The following ATP10B variants were observed in gnomAD, a reference collection of about 807,000 sequenced individuals.
ATP10B encodes the protein phospholipid-transporting ATPase VB.
A neutral mutation model predicts 141.2 loss-of-function variants in ATP10B; 122 were observed. The ratio of observed to expected loss-of-function variants is 0.86; its 90% CI spans 0.75 to 1.00. The LOEUF is 1.00. Ranked by LOEUF, ATP10B falls within the 50% of genes least tolerant of loss-of-function variation. The pLI is 0.00. For missense variants in ATP10B, 1,876 were observed against 1,825.3 expected (o/e 1.03, Z -0.51); for synonymous variants, 685 against 692.0 (o/e 0.99, Z 0.16).
At chr5:160,593,890 G>T (rs531105356) in intron 22 of ATP10B, among the ~76,000 whole-genome samples, 8 of 152,280 alleles carry the variant, frequency 5.3e-5, no homozygotes, top group Non-Finnish European at 8.8e-5. Context: ...TATGTGAAAA[G>T]ACCAAATCTA....
chr5:160,599,635 C>T (rs1046228780), intron 21 of ATP10B, among the ~76,000 whole-genome samples: 2 of 152,164 alleles, frequency 1.3e-5, no homozygotes, highest in African/African-American at 4.8e-5. Context: ...ACGGTGACCT[C>T]GTGAGAAGGT....
chr5:160,856,257 C>T (rs6861419), upstream of ATP10B, among the ~76,000 whole-genome samples: 113,710 of 151,652 alleles, frequency 0.75, 43,803 homozygotes, highest in East Asian at 0.97. Flanking sequence ...TTATCAACAT[C>T]GTGTAGTTTT....
At chr5:160,794,474 T>C (rs1208852226) in intron 1 of ATP10B, among the ~76,000 whole-genome samples, 1 of 152,174 alleles carries the variant, frequency 6.6e-6, no homozygotes, top group African/African-American at 2.4e-5. Context: ...CCAATCAAAG[T>C]CTTTTTAGGG....
the ATP10B span, among the ~76,000 whole-genome samples, chr5:160,879,916 A>T: frequency 2.0e-5 from 3 of 152,128 alleles, no homozygotes; most frequent in African/African-American, 7.2e-5. Flanking sequence ...ATACGAAGTT[A>T]ACATACAAAT....
chr5:160,663,157 G>A (rs1039827297), intron 7 of ATP10B, among the ~76,000 whole-genome samples: 1 of 152,118 alleles, frequency 6.6e-6, no homozygotes, highest in African/African-American at 2.4e-5. Flanking sequence ...TGGAGAGGAT[G>A]TGGAGAAATA....
chr5:160,611,113 T>C lies in ATP10B; in HGVS notation c.2838+1628A>G, dbSNP rs563690191. ...ATCCCAGGTAAAGAGATGAAAAGAC[T>C]AATCTTACAGGTTTAGTGAGCCCAA... On this transcript the variant is annotated intron_variant, in intron 18 of 25. Transcript: ENST00000327245. Among the ~76,000 whole-genome samples the C allele has an allele frequency of 7.9e-5, 12 of 152,308 alleles. No homozygotes were observed. The South Asian group carries it at 2.5e-3, about 32-fold the overall frequency.
At chr5:160,854,206 G>T (rs13180922), upstream of ATP10B, among the ~76,000 whole-genome samples, 112,488 of 151,998 alleles carry the variant, frequency 0.74, 43,053 homozygotes, top group East Asian at 0.97. Context: ...ATACTTTAAA[G>T]TTCTGGGATA....
At chr5:160,832,924 T>C (rs990302481) in intron 1 of ATP10B, among the ~76,000 whole-genome samples, 6 of 152,128 alleles carry the variant, frequency 3.9e-5, no homozygotes, top group African/African-American at 1.4e-4. Flanking sequence ...TGGGCAAATC[T>C]AGCCCAAAGT....
chr5:160,896,500 G>T, the ATP10B span, among the ~76,000 whole-genome samples: 2 of 152,144 alleles, frequency 1.3e-5, no homozygotes, highest in Non-Finnish European at 2.9e-5. Context: ...CCAGGAAGAA[G>T]TCGAATCCCT....
intron 25 of ATP10B, 60 bp from the exon 26 acceptor site, chr5:160,565,960 C>T: frequency 6.8e-7 from 1 of 1,472,382 alleles, no homozygotes; most frequent in Non-Finnish European, 9.2e-7. Context: ...TAAACTTCAG[C>T]ATTAAAAGAT....
At chr5:160,746,923 G>A (rs1174050528) in intron 2 of ATP10B, among the ~76,000 whole-genome samples, 1 of 152,200 alleles carries the variant, frequency 6.6e-6, no homozygotes, top group East Asian at 1.9e-4. Context: ...TGGCTTTATA[G>A]CAGTGGTGGC....
At chr5:160,650,790 A>G (rs1414281662) in intron 7 of ATP10B, among the ~76,000 whole-genome samples, 1 of 152,176 alleles carries the variant, frequency 6.6e-6, no homozygotes, top group East Asian at 1.9e-4. Flanking sequence ...TGTAACTTTG[A>G]GTTGGTCTGG....
chr5:160,846,147 T>TA (rs1776102919), intron 1 of ATP10B, among the ~76,000 whole-genome samples: 1 of 151,916 alleles, frequency 6.6e-6, no homozygotes, highest in African/African-American at 2.4e-5. Flanking sequence ...GTCCACAAAC[T>TA]GTTTACTATT....
At chr5:160,916,360 T>C in the ATP10B span, among the ~76,000 whole-genome samples, 1 of 150,938 alleles carries the variant, frequency 6.6e-6, no homozygotes, top group Non-Finnish European at 1.5e-5. Flanking sequence ...TACTGAAGAC[T>C]TTGGACCAAA....
the ATP10B span, among the ~76,000 whole-genome samples, chr5:160,925,162 G>T: frequency 5.5e-4 from 84 of 152,358 alleles, 1 homozygote; most frequent in African/African-American, 2.0e-3. Flanking sequence ...GAAGAGGGAA[G>T]GCTGTGGATT....
At chr5:160,652,239 T>A (rs1031167015) in intron 7 of ATP10B, among the ~76,000 whole-genome samples, 3 of 152,044 alleles carry the variant, frequency 2.0e-5, no homozygotes, top group Non-Finnish European at 4.4e-5. Flanking sequence ...TCTAGCTACT[T>A]GTCCCCTGGG....
the ATP10B span, among the ~76,000 whole-genome samples, chr5:160,857,853 T>G: frequency 6.6e-6 from 1 of 151,960 alleles, no homozygotes; most frequent in Non-Finnish European, 1.5e-5. Flanking sequence ...GATTTCATTA[T>G]GGTCAGAGAA....
intron 3 of ATP10B, among the ~76,000 whole-genome samples, chr5:160,715,639 C>T (rs1284286764): frequency 1.3e-5 from 2 of 152,080 alleles, no homozygotes; most frequent in African/African-American, 4.8e-5. Flanking sequence ...TGGCTCCTCC[C>T]ACTCTCATAA....
At chr5:160,820,950 A>T (rs2127961608) in intron 1 of ATP10B, among the ~76,000 whole-genome samples, 1 of 152,276 alleles carries the variant, frequency 6.6e-6, no homozygotes, top group Middle Eastern at 3.4e-3. Flanking sequence ...GAATTGAGAG[A>T]AACTGAAAGT....
Sources: allele counts gnomAD v4.1 joint callset (sites outside exome capture counted in the v4.1 genomes callset), GRCh38; gene constraint gnomAD v4.1.1; transcripts MANE v1.5; gene names NCBI Gene and HGNC (gene_info 2026-07-23, HGNC 2026-07-21).